The following TAOK1 variants were observed in gnomAD, a reference collection of about 807,000 sequenced individuals.
TAOK1 encodes the protein serine/threonine-protein kinase TAO1.
A neutral mutation model predicts 138.3 loss-of-function variants in TAOK1; 21 were observed. That is an observed-to-expected ratio of 0.15 (90% CI 0.11 to 0.22). The LOEUF (loss-of-function observed/expected upper bound fraction) is 0.22, where lower values mean the gene tolerates loss of function less well. TAOK1 is among the 10% of genes least tolerant of loss of function. The pLI, the probability that TAOK1 is intolerant of heterozygous loss-of-function variation, is 1.00. For synonymous variants in TAOK1, 361 were observed against 398.4 expected, an observed-to-expected ratio of 0.91 and a Z score of 1.12; for missense variants, 651 against 1,227.7, an observed-to-expected ratio of 0.53 and a Z score of 7.02.
intron 18 of TAOK1, among the ~76,000 whole-genome samples, chr17:29,533,373 A>G (rs1203958076): frequency 6.8e-6 from 1 of 146,658 alleles, no homozygotes; most frequent in Non-Finnish European, 1.5e-5. Context: ...AGCCAGGCAG[A>G]GGGGCTCCTC....
chr17:29,475,173 T>A (rs1018042451), intron 3 of TAOK1, among the ~76,000 whole-genome samples: 1 of 152,182 alleles, frequency 6.6e-6, no homozygotes, highest in African/African-American at 2.4e-5. Flanking sequence ...TCTCCTGACC[T>A]TGTGATCCAC....
At chr17:29,504,276 C>CAAA (rs71138826) in intron 13 of TAOK1, among the ~76,000 whole-genome samples, 661 of 40,658 alleles carry the variant, frequency 0.016, 38 homozygotes, top group Non-Finnish European at 0.025. Flanking sequence ...GACCCTGTCT[C>CAAA]AAAAAAAAAA....
chr17:29,521,324 A>T (rs2031911915), intron 16 of TAOK1, among the ~76,000 whole-genome samples: 2 of 152,148 alleles, frequency 1.3e-5, no homozygotes, highest in Admixed American at 6.6e-5. Flanking sequence ...GAATCTCTTT[A>T]AAAAAATGTT....
intron 15 of TAOK1, among the ~76,000 whole-genome samples, chr17:29,516,652 C>T (rs1415815843): frequency 3.3e-5 from 5 of 151,936 alleles, no homozygotes; most frequent in African/African-American, 9.7e-5. Context: ...CAGGTGTGCA[C>T]CACCATGTCT....
At chr17:29,517,718 C>A in intron 16 of TAOK1, 62 bp downstream of exon 16, 1 of 1,487,134 alleles carries the variant, frequency 6.7e-7, no homozygotes, top group Non-Finnish European at 9.1e-7. Flanking sequence ...TGAAAATATT[C>A]CAATTCCATT....
intron 18 of TAOK1, among the ~76,000 whole-genome samples, chr17:29,531,303 G>T (rs1297185959): frequency 6.6e-6 from 1 of 151,198 alleles, no homozygotes; most frequent in Non-Finnish European, 1.5e-5. Flanking sequence ...TTTTTAGATG[G>T]AATTTTGCCC....
chr17:29,490,400 A>G (rs2031274169), intron 9 of TAOK1, among the ~76,000 whole-genome samples: 1 of 152,172 alleles, frequency 6.6e-6, no homozygotes, highest in South Asian at 2.1e-4. Flanking sequence ...TTAATTCCTC[A>G]GGTGTACCTA....
intron 1 of TAOK1, among the ~76,000 whole-genome samples, chr17:29,399,244 C>T (rs1398125869): frequency 6.6e-6 from 1 of 152,130 alleles, no homozygotes; most frequent in Non-Finnish European, 1.5e-5. Context: ...CCTCAGCCTC[C>T]CAAAGTGCTG....
intron 4 of TAOK1, among the ~76,000 whole-genome samples, chr17:29,476,513 T>C (rs376094969): frequency 2.0e-5 from 3 of 152,338 alleles, no homozygotes; most frequent in East Asian, 3.9e-4. Flanking sequence ...CATAAGATTA[T>C]TCTGAGGATT....
chr17:29,475,782 G>C lies in TAOK1; in HGVS notation c.306+11G>C. The C allele has an allele frequency of 6.3e-7, 1 of 1,594,202 alleles. No individual in the cohort carries two copies. The highest frequency in any genetic ancestry group is 8.6e-7 in the Non-Finnish European group (1 of 1,163,772). On this transcript the variant is annotated intron_variant, in intron 4 of 19. Transcript: ENST00000261716. ...GAACACACAGCATGGGTTGGTATTT[G>C]TTCTCCCCTTGTTGCAGTTTTAGCT...
intron 3 of TAOK1, among the ~76,000 whole-genome samples, chr17:29,473,611 A>T (rs2030877004): frequency 6.6e-6 from 1 of 151,956 alleles, no homozygotes; most frequent in Non-Finnish European, 1.5e-5. Flanking sequence ...AAAAAAAAAA[A>T]ATCTGTTGCG....
chr17:29,467,280 CT>C (rs930652260), intron 3 of TAOK1, 64 bp downstream of exon 3: 32,553 of 852,682 alleles, frequency 0.038, no homozygotes, highest in East Asian at 0.049. Flanking sequence ...TATATACATT[CT>C]TTTTTTTTTT....
Position 29,442,926 on chromosome 17 carries a change from G to A in TAOK1, c.-94-8529G>A, listed in dbSNP as rs186951327. On this transcript the variant is annotated intron_variant, in intron 1 of 19. Coordinates refer to ENST00000261716, the MANE Select transcript of TAOK1 (RefSeq NM_020791.4). ...ACAAATGTGTAGGTAAGCCTGATTC[G>A]TCCTATAATGTCAAATTTCTTGCTG... 1.2e-4 allele frequency among the ~76,000 whole-genome samples: 18 copies of A among 152,100 alleles called. No individual in the cohort carries two copies. In the East Asian group the frequency reaches 2.7e-3, roughly 23 times the overall value.
chr17:29,531,160 G>C (rs1261825758), intron 18 of TAOK1, among the ~76,000 whole-genome samples: 2 of 150,868 alleles, frequency 1.3e-5, no homozygotes, highest in African/African-American at 4.9e-5. Context: ...GTAGAGACGG[G>C]GTTTTACCGT....
intron 16 of TAOK1, among the ~76,000 whole-genome samples, chr17:29,520,359 G>A (rs1228491838): frequency 6.6e-6 from 1 of 152,088 alleles, no homozygotes; most frequent in Non-Finnish European, 1.5e-5. Context: ...GGAGGTTGAG[G>A]TGGGAGGATC....
At chr17:29,528,084 C>G (rs2032041630) in intron 17 of TAOK1, among the ~76,000 whole-genome samples, 1 of 152,122 alleles carries the variant, frequency 6.6e-6, no homozygotes, top group Admixed American at 6.6e-5. Context: ...GAGTCTCACT[C>G]TGTTGCCCAG....
chr17:29,419,447 C>T (rs1223984217), intron 1 of TAOK1, among the ~76,000 whole-genome samples: 1 of 151,640 alleles, frequency 6.6e-6, no homozygotes, highest in South Asian at 2.1e-4. Context: ...CCACCCGCCT[C>T]GGCCTCCCAA....
At chr17:29,427,492 A>G (rs1905677505) in intron 1 of TAOK1, among the ~76,000 whole-genome samples, 1 of 149,218 alleles carries the variant, frequency 6.7e-6, no homozygotes, top group Non-Finnish European at 1.5e-5. Context: ...GCTACTTGGG[A>G]GGCTGACACA....
At chr17:29,503,980 G>A (rs1180817144) in intron 13 of TAOK1, among the ~76,000 whole-genome samples, 7 of 151,924 alleles carry the variant, frequency 4.6e-5, no homozygotes, top group Admixed American at 3.3e-4. Flanking sequence ...GCATGGTGGC[G>A]TGTGCCTGTA....
Sources: gnomAD v4.1 joint callset for allele counts (sites outside exome capture counted in the v4.1 genomes callset) on GRCh38, gnomAD v4.1.1 for gene constraint, MANE v1.5 for transcripts, NCBI Gene and HGNC (gene_info 2026-07-23, HGNC 2026-07-21) for gene names.